Variants in SEL1L3 observed in about 807,000 individuals in gnomAD.
SEL1L3 encodes the protein SEL1L family member 3, also known as protein sel-1 homolog 3.
In SEL1L3, 76 loss-of-function variants were observed where a neutral mutation model predicts 142.8. The observed-to-expected ratio is 0.53, with a 90% CI of 0.44 to 0.64. The LOEUF (loss-of-function observed/expected upper bound fraction) is 0.64, where lower values mean the gene tolerates loss of function less well. Ranked by LOEUF, SEL1L3 falls within the 30% of genes least tolerant of loss-of-function variation. The pLI, the probability that SEL1L3 is intolerant of heterozygous loss-of-function variation, is 0.00. For missense variants in SEL1L3, 1,262 were observed against 1,381.7 expected, an observed-to-expected ratio of 0.91 and a Z score of 1.37; for synonymous variants, 504 against 519.6, an observed-to-expected ratio of 0.97 and a Z score of 0.41.
chr4:25,790,859 C>T (rs933701145), intron 11 of SEL1L3, among the ~76,000 whole-genome samples: 4 of 152,156 alleles, frequency 2.6e-5, no homozygotes, highest in South Asian at 2.1e-4. Flanking sequence ...GATATAAGCA[C>T]GCAAAAGACA....
At chr4:25,793,375 C>T (rs1488970018) in intron 11 of SEL1L3, among the ~76,000 whole-genome samples, 3 of 152,172 alleles carry the variant, frequency 2.0e-5, no homozygotes, top group Non-Finnish European at 4.4e-5. Flanking sequence ...CTTGACCTCC[C>T]TGAGCTCAAG....
intron 9 of SEL1L3, among the ~76,000 whole-genome samples, chr4:25,808,163 AT>A (rs1485764648): frequency 1.3e-5 from 2 of 152,076 alleles, no homozygotes; most frequent in East Asian, 1.9e-4. Context: ...TAGCATATGC[AT>A]TTTTTTCTAG....
At position 25,802,447 on chromosome 4, in the gene SEL1L3, A is replaced by G. The variant is rs1054875819; in HGVS notation, c.1792T>C (p.Leu598=). 6.2e-7 allele frequency: 1 copy of G among 1,613,138 alleles called. No homozygotes were observed. Reference sequence around the variant, plus strand: ...CTCTCACTCCCCTGGCCTCCAACCAAACTATACAACATGCCCTGTTAGGAA... The same window carrying G: ...CTCTCACTCCCCTGGCCTCCAACCAGACTATACAACATGCCCTGTTAGGAA... ...RDQLQGMLYS[L]VGGQGSERLS... Residue 598 remains leucine (L), a synonymous_variant, in exon 11 of 24, where the codon TTG becomes CTG. Transcript: ENST00000399878.
chr4:25,819,974 A>T, intron 7 of SEL1L3, 34 bp from the exon 8 acceptor site: 1 of 1,592,218 alleles, frequency 6.3e-7, no homozygotes, highest in Non-Finnish European at 8.6e-7. Context: ...ATGAACAACA[A>T]TTGTCATCAA....
chr4:25,742,023 G>C, the SEL1L3 span, among the ~76,000 whole-genome samples: 1 of 151,652 alleles, frequency 6.6e-6, no homozygotes, highest in Non-Finnish European at 1.5e-5. Flanking sequence ...TGTTGGCCAG[G>C]CTGGTCTCGA....
intron 20 of SEL1L3, among the ~76,000 whole-genome samples, chr4:25,761,313 G>A (rs1182577558): frequency 1.3e-5 from 2 of 151,998 alleles, no homozygotes; most frequent in African/African-American, 4.8e-5. Context: ...CCACAGCCAC[G>A]CATGGCTAAT....
the SEL1L3 span, among the ~76,000 whole-genome samples, chr4:25,728,043 C>T: frequency 6.6e-6 from 1 of 152,128 alleles, no homozygotes; most frequent in South Asian, 2.1e-4. Flanking sequence ...TGAACAGACA[C>T]TAGAAAATAA....
Position 25,832,986 on chromosome 4 carries a change from T to C in SEL1L3, c.1098+9A>G. ...CGTATGTCGTGTGATGAAGCGTGCA[T>C]ACAGATACCTGGCCTCCGTTAAAAG... On this transcript the variant is annotated intron_variant, in intron 5 of 23. Coordinates refer to ENST00000399878, the MANE Select transcript of SEL1L3 (RefSeq NM_015187.5). 2.0e-6 allele frequency: 3 copies of C among 1,488,260 alleles called. No individual in the cohort carries two copies. The highest frequency in any genetic ancestry group is 2.8e-6 in the Non-Finnish European group (3 of 1,065,344). 92.2% of individuals were successfully genotyped at this position (1,488,260 alleles called of 1,614,324 possible).
intron 11 of SEL1L3, among the ~76,000 whole-genome samples, chr4:25,798,754 G>A (rs931171187): frequency 2.0e-5 from 3 of 152,202 alleles, no homozygotes; most frequent in Non-Finnish European, 4.4e-5. Flanking sequence ...CTTGAACCCA[G>A]GAGGTGGAGG....
chr4:25,831,510 AATT>A (rs71591516), intron 5 of SEL1L3, among the ~76,000 whole-genome samples: 1,689 of 122,492 alleles, frequency 0.014, 19 homozygotes, highest in Middle Eastern at 0.04. Context: ...TAATAATAAT[AATT>A]ATTATTATTA....
Position 25,759,253 on chromosome 4 carries a change from A to T in SEL1L3, c.2956-185T>A, listed in dbSNP as rs1577561960. The T allele has an allele frequency of 7.7e-5, 36 of 468,742 alleles. No homozygotes were observed. The South Asian group carries it at 1.0e-3, about 13-fold the overall frequency. The allele number at this position is 468,742 out of a possible 1,614,324, so 29.0% of individuals were successfully genotyped here. On this transcript the variant is annotated intron_variant, in intron 20 of 23. Transcript: ENST00000399878. The stretch of plus-strand genomic sequence containing the variant: ...ATATGCATCTGAGAAATTTATTTGC[A>T]GGAGAACCAGGAGGCTTTCAGAAGC...
At chr4:25,797,866 A>G (rs1320187735) in intron 11 of SEL1L3, among the ~76,000 whole-genome samples, 1 of 152,210 alleles carries the variant, frequency 6.6e-6, no homozygotes, top group African/African-American at 2.4e-5. Flanking sequence ...CACCCTGCAC[A>G]CAACACCCAG....
intron 1 of SEL1L3, among the ~76,000 whole-genome samples, chr4:25,855,306 T>C (rs990307136): frequency 2.0e-5 from 3 of 152,252 alleles, no homozygotes; most frequent in Non-Finnish European, 4.4e-5. Context: ...CATAGGTATT[T>C]TCACATGCCA....
At chr4:25,714,500 TTTTCTTTCTTTCTTTCTTTCTTTC>T in the SEL1L3 span, among the ~76,000 whole-genome samples, 174 of 109,020 alleles carry the variant, frequency 1.6e-3, 2 homozygotes, top group Admixed American at 5.8e-3. Flanking sequence ...CTTTCTTTCT[TTTTCTTTCTTTCTTTCTTTCTTTC>T]TTTCTTTCTT....
chr4:25,786,500 T>C (rs1348386422), intron 13 of SEL1L3, among the ~76,000 whole-genome samples: 1 of 152,228 alleles, frequency 6.6e-6, no homozygotes, highest in Admixed American at 6.5e-5. Context: ...TGCCTCTCCC[T>C]GTAGGTTGTG....
the SEL1L3 span, chr4:25,719,894 A>T: frequency 6.6e-6 from 1 of 152,160 alleles, no homozygotes; most frequent in Non-Finnish European, 1.5e-5. Context: ...ATTTAAAGTT[A>T]TGAGAGGATT....
chr4:25,790,216 G>A (rs756607528), intron 12 of SEL1L3, among the ~76,000 whole-genome samples: 1 of 152,168 alleles, frequency 6.6e-6, no homozygotes, highest in Non-Finnish European at 1.5e-5. Context: ...TAGCCAGCTG[G>A]TAAGGCGCTA....
At chr4:25,825,904 C>T (rs918999590) in intron 6 of SEL1L3, among the ~76,000 whole-genome samples, 1 of 151,876 alleles carries the variant, frequency 6.6e-6, no homozygotes, top group East Asian at 1.9e-4. Context: ...CATCTCTTGA[C>T]CTCATGATCC....
chr4:25,829,542 C>A (rs9993428), intron 6 of SEL1L3, among the ~76,000 whole-genome samples: 2 of 152,116 alleles, frequency 1.3e-5, no homozygotes, highest in African/African-American at 4.8e-5. Flanking sequence ...CACGATTATA[C>A]GTGGATGTAG....
Sources: gnomAD v4.1 joint callset for allele counts (sites outside exome capture counted in the v4.1 genomes callset) on GRCh38, gnomAD v4.1.1 for gene constraint, MANE v1.5 for transcripts, NCBI Gene and HGNC (gene_info 2026-07-23, HGNC 2026-07-21) for gene names.